Variants in PRH1 observed in about 807,000 individuals in gnomAD.
PRH1 encodes the protein proline rich protein HaeIII subfamily 1, also known as salivary acidic proline-rich phosphoprotein 1/2.
A neutral mutation model predicts 7.9 loss-of-function variants in PRH1; 7 were observed. The observed-to-expected ratio is 0.89, with a 90% CI of 0.50 to 1.67. The LOEUF is 1.67. Ranked by LOEUF, PRH1 falls within the 40% of genes most tolerant of loss-of-function variation. The probability of loss-of-function intolerance (pLI) is 0.00; values close to 1 mark genes in which losing one functional copy is unlikely to be tolerated. For synonymous variants in PRH1, 45 were observed against 80.8 expected, an observed-to-expected ratio of 0.56 and a Z score of 2.38; for missense variants, 109 against 223.6, an observed-to-expected ratio of 0.49 and a Z score of 3.27.
intron 2 of PRH1, among the ~76,000 whole-genome samples, chr12:10,961,695 A>T (rs1175907568): frequency 6.6e-6 from 1 of 152,190 alleles, no homozygotes; most frequent in Non-Finnish European, 1.5e-5. Flanking sequence ...CCACCAACGG[A>T]CTGGATGATG....
At chr12:11,166,588 C>T (rs1466954289) in intron 1 of PRH1, among the ~76,000 whole-genome samples, 1 of 152,146 alleles carries the variant, frequency 6.6e-6, no homozygotes, top group Non-Finnish European at 1.5e-5. Context: ...TTGCCTGTCC[C>T]CTAGCACTGG....
At chr12:11,133,856 A>T (rs1592082286) in intron 1 of PRH1, 1 of 1,614,202 alleles carries the variant, frequency 6.2e-7, no homozygotes, top group African/African-American at 1.3e-5. Flanking sequence ...CAGTATCACC[A>T]GAACAACACT....
chr12:11,017,550 TC>T (rs1175315063), intron 1 of PRH1, among the ~76,000 whole-genome samples: 1 of 152,174 alleles, frequency 6.6e-6, no homozygotes, highest in East Asian at 1.9e-4. Context: ...AGTGTTGCAA[TC>T]CCGGCTCACT....
At chr12:11,114,770 T>C (rs1397052539) in intron 1 of PRH1, among the ~76,000 whole-genome samples, 1 of 152,174 alleles carries the variant, frequency 6.6e-6, no homozygotes, top group Non-Finnish European at 1.5e-5. Flanking sequence ...AGTCTTCATT[T>C]GTTTTGTTTT....
chr12:11,027,412 A>C (rs1941969587), intron 1 of PRH1, among the ~76,000 whole-genome samples: 1 of 151,756 alleles, frequency 6.6e-6, no homozygotes, highest in South Asian at 2.1e-4. Flanking sequence ...TCAGGGACCT[A>C]CAGCATAGGT....
intron 1 of PRH1, chr12:11,165,987 C>T (rs181946314): frequency 4.9e-4 from 74 of 152,360 alleles, no homozygotes; most frequent in African/African-American, 1.7e-3. Flanking sequence ...TCTCTAGCAA[C>T]TGCCCCTGTC....
chr12:11,147,254 G>T (rs1946891237), intron 1 of PRH1, among the ~76,000 whole-genome samples: 1 of 152,068 alleles, frequency 6.6e-6, no homozygotes, highest in Non-Finnish European at 1.5e-5. Context: ...GCAGTGGCAC[G>T]ATCTCGGCTC....
At chr12:11,088,016 T>A (rs1332118620) in intron 1 of PRH1, among the ~76,000 whole-genome samples, 1 of 122,432 alleles carries the variant, frequency 8.2e-6, no homozygotes, top group African/African-American at 2.8e-5. Flanking sequence ...TAATTTACAT[T>A]TTTTAAAACA....
upstream of PRH1, chr12:11,048,195 T>TAGATAGATAGATA (rs34117799): frequency 9.4e-3 from 1,414 of 151,228 alleles, 7 homozygotes; most frequent in Non-Finnish European, 0.01. Flanking sequence ...GATAGATAGA[T>TAGATAGATAGATA]GACTTTTCTA....
chr12:11,030,602 A>G, intron 1 of PRH1: 5 of 1,613,822 alleles, frequency 3.1e-6, no homozygotes, highest in Non-Finnish European at 4.2e-6. Context: ...TGATATCATT[A>G]TGGACAGAAA....
chr12:11,120,991 T>C (rs983422035), exon 2 of PRH1: 5 of 154,764 alleles, frequency 3.2e-5, no homozygotes, highest in Non-Finnish European at 7.3e-5. Context: ...TGAAAACATA[T>C]CCAAGTGCTT....
chr12:11,134,191 A>C (rs2600355), intron 1 of PRH1: 694,652 of 1,568,234 alleles, frequency 0.44, 127,126 homozygotes, highest in Non-Finnish European at 0.48. Context: ...AATTTCCAAT[A>C]ACAAATATAA....
chr12:11,024,146 A>C (rs1441850907), intron 1 of PRH1, among the ~76,000 whole-genome samples: 1 of 152,264 alleles, frequency 6.6e-6, no homozygotes, highest in East Asian at 1.9e-4. Context: ...GTTACACATG[A>C]ATGTATACAA....
chr12:11,124,528 A>G (rs1946038067), intron 1 of PRH1, among the ~76,000 whole-genome samples: 1 of 152,286 alleles, frequency 6.6e-6, no homozygotes, highest in South Asian at 2.1e-4. Flanking sequence ...TTCTTCAGCA[A>G]TGTATTTTAA....
chr12:10,938,020 T>G lies in PRH1; in HGVS notation c.-59+35635A>C, dbSNP rs143293386. On this transcript the variant is annotated intron_variant, in intron 2 of 3. Coordinates refer to the PRH1 transcript ENST00000539853. Reference sequence around the variant, plus strand: ...AATCTCAAAAAAGGTGAATGATTGATACAAAATCTATATTATCTGTTTGTA... The same window carrying G: ...AATCTCAAAAAAGGTGAATGATTGAGACAAAATCTATATTATCTGTTTGTA... The G allele has an allele frequency of 1.1e-4, 42 of 390,978 alleles. No individual in the cohort carries two copies. In the East Asian group the frequency reaches 1.5e-3, roughly 14 times the overall value. The allele number at this position is 390,978 out of a possible 1,614,324, so 24.2% of individuals were successfully genotyped here. A position where few individuals can be genotyped will look rare whatever the true frequency, so the allele number is the denominator to read the frequency against.
chr12:11,137,079 C>T (rs1187571562), intron 1 of PRH1, among the ~76,000 whole-genome samples: 1 of 152,150 alleles, frequency 6.6e-6, no homozygotes, highest in Non-Finnish European at 1.5e-5. Context: ...TGGATAGTAG[C>T]TTGTCTGTTG....
chr12:11,084,584 A>G (rs543716676), intron 1 of PRH1, among the ~76,000 whole-genome samples: 2 of 140,026 alleles, frequency 1.4e-5, no homozygotes, highest in East Asian at 3.9e-4. Context: ...ATTACTTCAT[A>G]AGCTTTCCAA....
intron 1 of PRH1, among the ~76,000 whole-genome samples, chr12:10,985,747 T>C (rs535183433): frequency 6.6e-6 from 1 of 152,296 alleles, no homozygotes; most frequent in South Asian, 2.1e-4. Context: ...AAGTCTTTCA[T>C]ATACAGATGC....
chr12:10,935,537 T>G (rs1396529394), intron 2 of PRH1, among the ~76,000 whole-genome samples: 3 of 152,154 alleles, frequency 2.0e-5, no homozygotes, highest in African/African-American at 7.2e-5. Context: ...GAGGAACATC[T>G]GCAGAGCATG....
Sources: allele counts gnomAD v4.1 joint callset (sites outside exome capture counted in the v4.1 genomes callset), GRCh38; gene constraint gnomAD v4.1.1; transcripts MANE v1.5; gene names NCBI Gene and HGNC (gene_info 2026-07-23, HGNC 2026-07-21).